Variants in TANK observed in about 807,000 individuals in gnomAD.
TANK encodes the protein TRAF family member-associated NF-kappa-B activator.
A neutral mutation model predicts 43.6 loss-of-function variants in TANK; 15 were observed. The observed-to-expected ratio is 0.34, with a 90% CI of 0.23 to 0.53. The LOEUF (loss-of-function observed/expected upper bound fraction) is 0.53. TANK is among the 20% of genes least tolerant of loss of function. The pLI is 0.94. For missense variants in TANK, 417 were observed against 498.6 expected (o/e 0.84, Z 1.56); for synonymous variants, 162 against 178.2 (o/e 0.91, Z 0.73).
At chr2:161,141,790 T>C (rs1006962678) in intron 1 of TANK, among the ~76,000 whole-genome samples, 4 of 152,222 alleles carry the variant, frequency 2.6e-5, no homozygotes, top group Non-Finnish European at 5.9e-5. Flanking sequence ...GCACGAAACA[T>C]ATGTGTGCAT....
intron 4 of TANK, among the ~76,000 whole-genome samples, chr2:161,218,634 G>A (rs1687219503): frequency 6.6e-6 from 1 of 152,176 alleles, no homozygotes; most frequent in Non-Finnish European, 1.5e-5. Flanking sequence ...TTTGACTCCA[G>A]TCTGCTCAAC....
At chr2:161,212,858 C>G (rs1686952313) in intron 4 of TANK, 1 of 785,472 alleles carries the variant, frequency 1.3e-6, no homozygotes, top group African/African-American at 1.9e-5. Context: ...TAAAGGAATA[C>G]CTGAGGCTGG....
At chr2:161,204,875 T>C in intron 4 of TANK, 82 bp downstream of exon 4, 5 of 1,555,866 alleles carry the variant, frequency 3.2e-6, no homozygotes, top group Non-Finnish European at 4.3e-6. Flanking sequence ...TGAAGTGATC[T>C]GCTGGAATTC....
At chr2:161,151,825 T>G (rs1208693006) in intron 1 of TANK, among the ~76,000 whole-genome samples, 1 of 152,158 alleles carries the variant, frequency 6.6e-6, no homozygotes, top group Non-Finnish European at 1.5e-5. Flanking sequence ...ATTTGATTTC[T>G]GTATGTTCTA....
chr2:161,194,840 CTT>C (rs1372470084), intron 2 of TANK, among the ~76,000 whole-genome samples: 1 of 149,486 alleles, frequency 6.7e-6, no homozygotes, highest in Non-Finnish European at 1.5e-5. Context: ...GTTTACCACT[CTT>C]TTTTTTATGT....
chr2:161,147,449 G>GGGCT (rs1418107116), intron 1 of TANK, among the ~76,000 whole-genome samples: 1 of 152,066 alleles, frequency 6.6e-6, no homozygotes, highest in Non-Finnish European at 1.5e-5. Context: ...CTGGTGGTGT[G>GGGCT]GGCTCACTAG....
intron 6 of TANK, among the ~76,000 whole-genome samples, chr2:161,229,411 C>T (rs1437279920): frequency 1.3e-5 from 2 of 152,060 alleles, no homozygotes; most frequent in Non-Finnish European, 2.9e-5. Flanking sequence ...AAAAACTACT[C>T]TGAGAATGAA....
intron 1 of TANK, among the ~76,000 whole-genome samples, chr2:161,154,470 T>C (rs749960121): frequency 6.6e-6 from 1 of 152,128 alleles, no homozygotes; most frequent in African/African-American, 2.4e-5. Context: ...CATAACAACA[T>C]AGAATCTGAC....
intron 1 of TANK, among the ~76,000 whole-genome samples, chr2:161,142,916 G>A (rs1053522500): frequency 3.3e-5 from 5 of 152,098 alleles, no homozygotes; most frequent in Non-Finnish European, 5.9e-5. Flanking sequence ...ACTTTAGGCG[G>A]TATGGCCATT....
At chr2:161,172,788 A>G (rs1365098756) in intron 1 of TANK, among the ~76,000 whole-genome samples, 3 of 152,074 alleles carry the variant, frequency 2.0e-5, no homozygotes, top group Non-Finnish European at 4.4e-5. Flanking sequence ...CCTCTTGTCT[A>G]TTGTGCACAT....
At chr2:161,165,611 C>G (rs1684643335) in intron 1 of TANK, among the ~76,000 whole-genome samples, 1 of 152,090 alleles carries the variant, frequency 6.6e-6, no homozygotes, top group Non-Finnish European at 1.5e-5. Flanking sequence ...CATGTTCCTT[C>G]CCATACAGTC....
chr2:161,204,855 T>G, intron 4 of TANK, 62 bp downstream of exon 4: 1 of 1,578,752 alleles, frequency 6.3e-7, no homozygotes, highest in Middle Eastern at 1.7e-4. Context: ...GCTTCCTCAT[T>G]TTATTTTTCT....
chr2:161,189,756 T>C (rs778117629), intron 2 of TANK, among the ~76,000 whole-genome samples: 11 of 152,080 alleles, frequency 7.2e-5, no homozygotes, highest in Non-Finnish European at 4.4e-5. Flanking sequence ...CAACAAACCA[T>C]TTAAAGAAGA....
chr2:161,149,291 C>G (rs1478067387), intron 1 of TANK, among the ~76,000 whole-genome samples: 3 of 152,044 alleles, frequency 2.0e-5, no homozygotes, highest in African/African-American at 7.2e-5. Context: ...TAAGAGGGTT[C>G]ATTGGCAATG....
chr2:161,187,376 C>T (rs953149348), intron 2 of TANK, among the ~76,000 whole-genome samples: 1 of 152,098 alleles, frequency 6.6e-6, no homozygotes, highest in Non-Finnish European at 1.5e-5. Flanking sequence ...CTGCAGTGAG[C>T]CATGTTTGCA....
chr2:161,206,179 T>A (rs1686644602), intron 4 of TANK, among the ~76,000 whole-genome samples: 1 of 152,148 alleles, frequency 6.6e-6, no homozygotes, highest in Non-Finnish European at 1.5e-5. Context: ...ATGCAAAATG[T>A]TAACACTTGT....
At chr2:161,220,373 T>C (rs918545953) in intron 4 of TANK, among the ~76,000 whole-genome samples, 19 of 152,142 alleles carry the variant, frequency 1.2e-4, no homozygotes, top group Admixed American at 4.6e-4. Context: ...GAGGCCGAGG[T>C]GGGCAGATTG....
intron 6 of TANK, 136 bp from the exon 7 acceptor site, chr2:161,230,835 T>C (rs1340272870): frequency 1.4e-6 from 1 of 712,992 alleles, no homozygotes; most frequent in South Asian, 1.9e-5. Context: ...TGGTAGCAAA[T>C]TTTAAAATCC....
intron 1 of TANK, among the ~76,000 whole-genome samples, chr2:161,138,694 C>T (rs184819567): frequency 6.0e-4 from 91 of 152,286 alleles, no homozygotes; most frequent in Middle Eastern, 3.4e-3. Flanking sequence ...CAACTGGGGA[C>T]CTAGAGCAAT....
Sources: allele counts gnomAD v4.1 joint callset (sites outside exome capture counted in the v4.1 genomes callset), GRCh38; gene constraint gnomAD v4.1.1; transcripts MANE v1.5; gene names NCBI Gene and HGNC (gene_info 2026-07-23, HGNC 2026-07-21).